The following NKAIN3 variants were observed in gnomAD, a reference collection of about 807,000 sequenced individuals.
NKAIN3 encodes sodium/potassium transporting ATPase interacting 3.
NKAIN3 carries 25 observed loss-of-function variants against 30.2 expected under a neutral mutation model. That is an observed-to-expected ratio of 0.83 (90% confidence interval 0.60 to 1.16). NKAIN3 has a LOEUF of 1.16. Ranked by LOEUF, NKAIN3 falls within the 50% of genes most tolerant of loss-of-function variation. The pLI is 0.00. For missense variants in NKAIN3, 225 were observed against 254.1 expected, an observed-to-expected ratio of 0.89 and a Z score of 0.78; for synonymous variants, 91 against 89.6, an observed-to-expected ratio of 1.02 and a Z score of -0.09.
chr8:62,249,651 G>T (rs954872395), intron 1 of NKAIN3, among the ~76,000 whole-genome samples: 2 of 152,196 alleles, frequency 1.3e-5, no homozygotes, highest in Non-Finnish European at 2.9e-5. Flanking sequence ...AAAAGTGATG[G>T]TTAAGGAGTC....
intron 1 of NKAIN3, among the ~76,000 whole-genome samples, chr8:62,425,609 G>C (rs1390672772): frequency 6.6e-6 from 1 of 151,890 alleles, no homozygotes; most frequent in African/African-American, 2.4e-5. Context: ...CTAAAGGAAT[G>C]TATTCTATTT....
intron 1 of NKAIN3, among the ~76,000 whole-genome samples, chr8:62,307,128 A>G (rs1814271332): frequency 6.7e-6 from 1 of 149,946 alleles, no homozygotes; most frequent in Admixed American, 6.6e-5. Flanking sequence ...GCACCCCATG[A>G]GTCCTTGGGT....
chr8:62,598,110 A>T (rs1006268575), intron 3 of NKAIN3, among the ~76,000 whole-genome samples: 1 of 152,026 alleles, frequency 6.6e-6, no homozygotes, highest in East Asian at 1.9e-4. Flanking sequence ...TAGTTTAGCA[A>T]GGTACAAGTT....
rs1271634184 is a variant in NKAIN3, at chr8:62,729,000, AAAAAC to A, written c.274-17918_274-17914del. Among the ~76,000 whole-genome samples the A allele has an allele frequency of 1.0e-3, 141 of 136,574 alleles. 2 individuals are homozygous for A. The highest frequency in any genetic ancestry group is 3.8e-3 in the African/African-American group (136 of 35,436). The allele number at this position is 136,574 out of a possible 152,430, so 89.6% of individuals were successfully genotyped here. A position where few individuals can be genotyped will look rare whatever the true frequency, so the allele number is the denominator to read the frequency against. The stretch of plus-strand genomic sequence containing the variant: ...GCAAGACTCCGTCTCAAACAAAACA[AAAAAC>A]AAAACAAAACAAACAAACCAAAAAA... On this transcript the variant is annotated intron_variant, in intron 3 of 6. Coordinates refer to ENST00000623646, the MANE Select transcript of NKAIN3 (RefSeq NM_001304533.3).
chr8:62,897,311 T>A (rs1869730), intron 4 of NKAIN3, among the ~76,000 whole-genome samples: 117,681 of 152,068 alleles, frequency 0.77, 46,394 homozygotes, highest in East Asian at 0.98. Context: ...TTGAGGACTT[T>A]CATAGAATCA....
chr8:62,916,396 G>A (rs968736409), intron 4 of NKAIN3, among the ~76,000 whole-genome samples: 1 of 152,112 alleles, frequency 6.6e-6, no homozygotes, highest in African/African-American at 2.4e-5. Flanking sequence ...GAGAAAGATT[G>A]GAGAGAAATC....
chr8:62,749,148 G>A (rs1051593646), intron 4 of NKAIN3, among the ~76,000 whole-genome samples: 8 of 151,922 alleles, frequency 5.3e-5, no homozygotes, highest in Admixed American at 6.6e-5. Flanking sequence ...AAAAATTATC[G>A]TAGCAAATTG....
rs1326709927 is a variant in NKAIN3 at position 62,337,545 on chromosome 8, TTCTG to T, written c.54+88422_54+88425del. On this transcript the variant is annotated intron_variant, in intron 1 of 6. Coordinates refer to ENST00000623646, the MANE Select transcript of NKAIN3 (RefSeq NM_001304533.3). ...TTTACAAGTAGTTGCTAGCCCTTGT[TTCTG>T]TCTATTTTACTGTCAAGTATAGTAC... 4.1e-5 allele frequency among the ~76,000 whole-genome samples: 6 copies of T among 146,408 alleles called. No homozygotes were observed. The East Asian group carries it at 1.0e-3, about 25-fold the overall frequency.
In NKAIN3 at chr8:62,970,242, G is replaced by T. The variant is rs1355164986; in HGVS notation, c.*4835G>T. Among the ~76,000 whole-genome samples, 8 of 151,900 alleles carry T rather than the reference G, an allele frequency of 5.3e-5. No homozygotes were observed. Among genetic ancestry groups the T allele is most frequent in the Non-Finnish European group, 1.0e-4 (7 of 67,994 alleles). On this transcript the variant is annotated 3_prime_UTR_variant, in exon 7 of 7. Transcript: ENST00000623646. ...CTCTAAAAAGAGAGAGAGATAAGTA[G>T]ATATGTTTTAATTATTAGAAGAAGG...
At chr8:62,610,642 T>C (rs1289587750) in intron 3 of NKAIN3, among the ~76,000 whole-genome samples, 1 of 152,176 alleles carries the variant, frequency 6.6e-6, no homozygotes, top group African/African-American at 2.4e-5. Flanking sequence ...GAGTATACTT[T>C]TGATGCTTTA....
At chr8:62,547,557 G>C (rs1208970815) in intron 1 of NKAIN3, among the ~76,000 whole-genome samples, 1 of 152,056 alleles carries the variant, frequency 6.6e-6, no homozygotes, top group Non-Finnish European at 1.5e-5. Context: ...TATATTACAG[G>C]GCTTCAGTGA....
intron 1 of NKAIN3, among the ~76,000 whole-genome samples, chr8:62,464,397 A>G (rs1014500371): frequency 6.6e-6 from 1 of 152,198 alleles, no homozygotes; most frequent in Admixed American, 6.5e-5. Flanking sequence ...ACATACAAGT[A>G]TACTTAAATG....
intron 1 of NKAIN3, among the ~76,000 whole-genome samples, chr8:62,301,765 T>C (rs956998478): frequency 8.5e-5 from 13 of 152,088 alleles, no homozygotes; most frequent in African/African-American, 3.1e-4. Context: ...TCTTGTATAA[T>C]TCTAAATATA....
At chr8:62,448,485 A>C (rs1805549222) in intron 1 of NKAIN3, among the ~76,000 whole-genome samples, 1 of 148,942 alleles carries the variant, frequency 6.7e-6, no homozygotes, top group Admixed American at 6.7e-5. Context: ...TCCAAAAAAA[A>C]AAAAAGATAA....
At chr8:62,907,518 C>T (rs1055773139) in intron 4 of NKAIN3, among the ~76,000 whole-genome samples, 2 of 151,958 alleles carry the variant, frequency 1.3e-5, no homozygotes, top group East Asian at 1.9e-4. Context: ...CATGGCAGCG[C>T]CCCCCATAAC....
chr8:62,292,686 A>C (rs1009847515), intron 1 of NKAIN3, among the ~76,000 whole-genome samples: 4 of 152,040 alleles, frequency 2.6e-5, no homozygotes, highest in African/African-American at 9.7e-5. Flanking sequence ...CCTTCATTTC[A>C]ACTTTGGTGA....
At chr8:62,654,021 T>C (rs970014788) in intron 3 of NKAIN3, among the ~76,000 whole-genome samples, 1 of 151,994 alleles carries the variant, frequency 6.6e-6, no homozygotes, top group Non-Finnish European at 1.5e-5. Flanking sequence ...GATAGTGACC[T>C]AAACACAGCA....
chr8:62,813,754 T>A (rs1585871), intron 4 of NKAIN3, among the ~76,000 whole-genome samples: 26,353 of 151,876 alleles, frequency 0.17, 2,476 homozygotes, highest in East Asian at 0.29. Flanking sequence ...GTAAACTTCA[T>A]AACTGGGCAC....
intron 1 of NKAIN3, among the ~76,000 whole-genome samples, chr8:62,579,015 C>T (rs1233282813): frequency 6.6e-6 from 1 of 151,878 alleles, no homozygotes; most frequent in African/African-American, 2.4e-5. Flanking sequence ...AATAATTTAT[C>T]ACATATTTTA....
Sources: allele counts gnomAD v4.1 joint callset (sites outside exome capture counted in the v4.1 genomes callset), GRCh38; gene constraint gnomAD v4.1.1; transcripts MANE v1.5; gene names NCBI Gene and HGNC (gene_info 2026-07-23, HGNC 2026-07-21).